ANK2: variants seen among roughly 807,000 people sequenced by gnomAD.
The protein encoded by ANK2 is ankyrin 2.
In ANK2, 83 loss-of-function variants were observed where a neutral mutation model predicts 360.5. That is an observed-to-expected ratio of 0.23 (90% CI 0.19 to 0.28). ANK2 has a LOEUF of 0.28. Among genes scored for constraint, ANK2 ranks in the 10% least tolerant of loss-of-function variants. The probability of loss-of-function intolerance (pLI) is 1.00; values close to 1 mark genes in which losing one functional copy is unlikely to be tolerated. For missense variants in ANK2, 4,201 were observed against 4,795.7 expected (o/e 0.88, Z 3.66); for synonymous variants, 1,740 against 1,759.5 (o/e 0.99, Z 0.28).
At chr4:113,127,590 G>A (rs1009328708) in intron 1 of ANK2, among the ~76,000 whole-genome samples, 2 of 152,090 alleles carry the variant, frequency 1.3e-5, no homozygotes, top group African/African-American at 4.8e-5. Flanking sequence ...GGATAGGTAG[G>A]TGGTAGGGTT....
intron 1 of ANK2, among the ~76,000 whole-genome samples, chr4:113,123,630 G>A (rs906534191): frequency 1.3e-5 from 2 of 152,096 alleles, no homozygotes; most frequent in African/African-American, 2.4e-5. Flanking sequence ...GATTTTAAAT[G>A]TTTATTGTGG....
In ANK2 at chr4:113,357,180, G is replaced by T. The variant is rs2095842493; in HGVS notation, c.8562G>T (p.Leu2854Phe). 1 of 1,614,004 alleles carries T rather than the reference G, an allele frequency of 6.2e-7. No homozygotes were observed. The highest frequency in any genetic ancestry group is 8.5e-7 in the Non-Finnish European group (1 of 1,179,984). Residue 2854 changes from leucine (L) to phenylalanine (F), a missense_variant, in exon 38 of 46, where the codon TTG becomes TTT. By Grantham distance (22) the Leu-to-Phe change is conservative. Transcript: ENST00000357077. The part of the protein sequence containing the change: ...FSSSSSLPHC[L>F]VSEGKELDED... ...CTTCATCCTCTTTGCCTCATTGTTT[G>T]GTATCTGAAGGAAAAGAATTAGATG...
chr4:113,254,176 C>T (rs182861598), intron 10 of ANK2, among the ~76,000 whole-genome samples: 321 of 152,240 alleles, frequency 2.1e-3, no homozygotes, highest in Non-Finnish European at 3.2e-3. Flanking sequence ...CTAGGCCATT[C>T]GGTGTTTTTG....
At chr4:112,749,248 C>G in the ANK2 span, among the ~76,000 whole-genome samples, 3 of 152,206 alleles carry the variant, frequency 2.0e-5, no homozygotes, top group African/African-American at 7.2e-5. Flanking sequence ...TCCTTCTATG[C>G]TACCTGTACA....
chr4:113,298,463 G>A (rs866683070), intron 22 of ANK2, among the ~76,000 whole-genome samples: 2 of 152,134 alleles, frequency 1.3e-5, no homozygotes, highest in African/African-American at 4.8e-5. Flanking sequence ...CTGAGTGAGG[G>A]TTGGCTAAGT....
At chr4:112,980,489 C>T (rs1280191505) in intron 2 of ANK2, 1 of 152,232 alleles carries the variant, frequency 6.6e-6, no homozygotes, top group Non-Finnish European at 1.5e-5. Context: ...TTCACAGCGG[C>T]CACTCTGGAT....
At chr4:113,331,625 T>C (rs1253101534) in intron 27 of ANK2, among the ~76,000 whole-genome samples, 1 of 152,234 alleles carries the variant, frequency 6.6e-6, no homozygotes, top group African/African-American at 2.4e-5. Flanking sequence ...TTGGGGAATA[T>C]GCATGAAAAC....
intron 1 of ANK2, among the ~76,000 whole-genome samples, chr4:112,874,748 A>G (rs2074464653): frequency 6.6e-6 from 1 of 152,014 alleles, no homozygotes; most frequent in Admixed American, 6.5e-5. Flanking sequence ...TAAAAATTCA[A>G]CTCAGAAATG....
At chr4:113,133,142 C>T (rs1385954862) in intron 1 of ANK2, among the ~76,000 whole-genome samples, 2 of 152,086 alleles carry the variant, frequency 1.3e-5, no homozygotes, top group Non-Finnish European at 1.5e-5. Flanking sequence ...GGACTTGTTC[C>T]TAAATGGTAA....
the ANK2 span, among the ~76,000 whole-genome samples, chr4:112,793,780 A>C: frequency 1.4e-5 from 2 of 147,886 alleles, no homozygotes; most frequent in Admixed American, 1.4e-4. Context: ...ATCTGGACTC[A>C]CTGCAACCTT....
At chr4:113,333,270 C>T (rs1563833509) in intron 29 of ANK2, 62 bp downstream of exon 29, 1 of 1,590,806 alleles carries the variant, frequency 6.3e-7, no homozygotes, top group Non-Finnish European at 8.6e-7. Context: ...TGATTCATTT[C>T]TTTCTTATGA....
At chr4:113,229,999 A>C (rs1292663632) in intron 4 of ANK2, among the ~76,000 whole-genome samples, 1 of 152,020 alleles carries the variant, frequency 6.6e-6, no homozygotes, top group African/African-American at 2.4e-5. Context: ...ATTGTTTTTA[A>C]CCATCCTCAC....
chr4:112,990,458 GT>G (rs1561435269), intron 2 of ANK2, among the ~76,000 whole-genome samples: 1 of 151,108 alleles, frequency 6.6e-6, no homozygotes, highest in East Asian at 1.9e-4. Context: ...CTTCTTTCCT[GT>G]TTTATGTCCA....
chr4:112,765,083 A>G, the ANK2 span, among the ~76,000 whole-genome samples: 1 of 152,158 alleles, frequency 6.6e-6, no homozygotes, highest in Non-Finnish European at 1.5e-5. Context: ...TGTTATCTCT[A>G]CTGATGAAAT....
At chr4:113,260,490 A>G (rs1361915471) in intron 13 of ANK2, among the ~76,000 whole-genome samples, 15 of 152,140 alleles carry the variant, frequency 9.9e-5, no homozygotes. Flanking sequence ...GCACATGCCA[A>G]TATAATTTCC....
the ANK2 span, among the ~76,000 whole-genome samples, chr4:112,743,970 A>C: frequency 6.6e-5 from 10 of 151,148 alleles, no homozygotes; most frequent in Admixed American, 6.6e-4. Flanking sequence ...CTGAGATTAC[A>C]GGCATGTGCC....
At chr4:113,320,528 A>C (rs1380660649) in intron 26 of ANK2, among the ~76,000 whole-genome samples, 1 of 151,988 alleles carries the variant, frequency 6.6e-6, no homozygotes, top group Non-Finnish European at 1.5e-5. Context: ...GGTGGTGCAC[A>C]CCTGTAATCC....
chr4:113,244,428 G>C (rs903479078), intron 9 of ANK2, among the ~76,000 whole-genome samples: 1 of 152,038 alleles, frequency 6.6e-6, no homozygotes, highest in Non-Finnish European at 1.5e-5. Context: ...CAAAACCCTT[G>C]ATTTGTAGCA....
At chr4:112,802,907 G>T in the ANK2 span, among the ~76,000 whole-genome samples, 1 of 152,136 alleles carries the variant, frequency 6.6e-6, no homozygotes, top group African/African-American at 2.4e-5. Flanking sequence ...TTATTCTTCT[G>T]TAGCAAGCAT....
Sources: allele counts gnomAD v4.1 joint callset (sites outside exome capture counted in the v4.1 genomes callset), GRCh38; gene constraint gnomAD v4.1.1; transcripts MANE v1.5; gene names NCBI Gene and HGNC (gene_info 2026-07-23, HGNC 2026-07-21).